TMEM132B: variants seen among roughly 807,000 people sequenced by gnomAD.
The protein encoded by TMEM132B is transmembrane protein 132B.
TMEM132B carries 18 observed loss-of-function variants against 90.8 expected under a neutral mutation model. The ratio of observed to expected loss-of-function variants is 0.20; its 90% CI spans 0.14 to 0.29. The LOEUF (loss-of-function observed/expected upper bound fraction) is 0.29. Ranked by LOEUF, TMEM132B falls within the 10% of genes least tolerant of loss-of-function variation. The pLI, the probability that TMEM132B is intolerant of heterozygous loss-of-function variation, is 1.00. For synonymous variants in TMEM132B, 504 were observed against 523.3 expected (o/e 0.96, Z 0.50); for missense variants, 1,096 against 1,326.8 (o/e 0.83, Z 2.70).
chr12:125,202,807 GA>G (rs895312708), intron 1 of TMEM132B, among the ~76,000 whole-genome samples: 1 of 152,228 alleles, frequency 6.6e-6, no homozygotes, highest in African/African-American at 2.4e-5. Flanking sequence ...GCAGGATGGA[GA>G]AAAACCTGGA....
At chr12:125,190,443 A>G (rs28508097) in intron 1 of TMEM132B, among the ~76,000 whole-genome samples, 9 of 103,678 alleles carry the variant, frequency 8.7e-5, no homozygotes, top group East Asian at 3.5e-4. Context: ...TGGTGATGGG[A>G]AGGGGTGGTG....
At chr12:125,517,527 T>C (rs982551245) in intron 3 of TMEM132B, among the ~76,000 whole-genome samples, 7 of 151,988 alleles carry the variant, frequency 4.6e-5, no homozygotes, top group African/African-American at 1.7e-4. Flanking sequence ...CTTGTACCAA[T>C]GGATATTTGA....
chr12:125,194,275 G>T (rs953537000), intron 1 of TMEM132B, among the ~76,000 whole-genome samples: 10 of 152,134 alleles, frequency 6.6e-5, no homozygotes, highest in Non-Finnish European at 1.0e-4. Context: ...CGTTGGTGGG[G>T]GGGTCTTACT....
chr12:125,245,394 G>T lies in TMEM132B; in HGVS notation c.67+58528G>T, dbSNP rs562587417. 2.8e-4 allele frequency among the ~76,000 whole-genome samples: 41 copies of T among 144,432 alleles called. No homozygotes were observed. The Middle Eastern group carries it at 0.01, about 37-fold the overall frequency. 94.8% of individuals were successfully genotyped at this position (144,432 alleles called of 152,430 possible). Reference sequence around the variant, plus strand: ...GCCCCTCCCGCCCACCCCTCTGCAGGTTGATCCTGGTCACAGGTGGCCGAG... The same window carrying T: ...GCCCCTCCCGCCCACCCCTCTGCAGTTTGATCCTGGTCACAGGTGGCCGAG... On this transcript the variant is annotated intron_variant, in intron 1 of 8. Transcript: ENST00000682704.
At position 125,655,160 on chromosome 12, in the gene TMEM132B, T is replaced by A. The variant is rs1887029288; in HGVS notation, c.*450T>A. On this transcript the variant is annotated 3_prime_UTR_variant, in exon 9 of 9. Transcript: ENST00000682704. Reference sequence around the variant, plus strand: ...GATGACTGAATGTAGCTATCCTGATTTGTCATGAGCGCTGCTCATTATTTT... The same window carrying A: ...GATGACTGAATGTAGCTATCCTGATATGTCATGAGCGCTGCTCATTATTTT... 6.2e-6 allele frequency: 1 copy of A among 160,606 alleles called. No individual in the cohort carries two copies. Among genetic ancestry groups the A allele is most frequent in the South Asian group, 1.8e-4 (1 of 5,524 alleles). The allele number at this position is 160,606 out of a possible 1,614,324, so 9.9% of individuals were successfully genotyped here. A position where few individuals can be genotyped will look rare whatever the true frequency, so the allele number is the denominator to read the frequency against.
intron 1 of TMEM132B, chr12:125,326,473 A>C: frequency 2.4e-6 from 2 of 847,266 alleles, no homozygotes; most frequent in Non-Finnish European, 3.8e-6. Context: ...AATGGAGCAC[A>C]TGAGCTCTGA....
At chr12:125,477,808 G>A (rs1029312352) in intron 3 of TMEM132B, among the ~76,000 whole-genome samples, 2 of 152,156 alleles carry the variant, frequency 1.3e-5, no homozygotes, top group Non-Finnish European at 2.9e-5. Flanking sequence ...CCTGACCCCC[G>A]TGTAACCTAA....
chr12:125,492,398 A>G lies in TMEM132B; in HGVS notation c.1107-27041A>G, dbSNP rs1358959513. Among the ~76,000 whole-genome samples the G allele has an allele frequency of 2.6e-5, 4 of 152,106 alleles. No individual in the cohort carries two copies. On this transcript the variant is annotated intron_variant, in intron 3 of 8. Transcript: ENST00000682704. This position sits in a 1 kb window ranked among gnomAD's most constrained non-coding sequence, Gnocchi z 5.8. Reference sequence around the variant, plus strand: ...TCTGTTGTCTGCAGCTTGGGTGTGAATTTCCCTCTTGAAACCTGAGGGTAA... The same window carrying G: ...TCTGTTGTCTGCAGCTTGGGTGTGAGTTTCCCTCTTGAAACCTGAGGGTAA...
chr12:125,526,381 T>C (rs569647552), intron 4 of TMEM132B, among the ~76,000 whole-genome samples: 1 of 152,346 alleles, frequency 6.6e-6, no homozygotes, highest in South Asian at 2.1e-4. Context: ...AGGAGACTTA[T>C]TCCTACAGGC....
intron 2 of TMEM132B, among the ~76,000 whole-genome samples, chr12:125,409,224 C>T (rs1593128208): frequency 6.6e-6 from 1 of 152,300 alleles, no homozygotes; most frequent in East Asian, 1.9e-4. Context: ...GCTGAGCCAG[C>T]CACAAGGGAA....
chr12:125,636,942 T>A (rs1202175398), intron 5 of TMEM132B, among the ~76,000 whole-genome samples: 2 of 152,164 alleles, frequency 1.3e-5, no homozygotes, highest in Non-Finnish European at 1.5e-5. Context: ...TCTGTAGAAA[T>A]GTATCTAAAA....
At chr12:125,400,853 C>T (rs1409194536) in intron 2 of TMEM132B, among the ~76,000 whole-genome samples, 5 of 152,194 alleles carry the variant, frequency 3.3e-5, no homozygotes, top group African/African-American at 9.7e-5. Context: ...CATGACTCCG[C>T]TCGACAGAAT....
At chr12:125,375,065 T>A (rs188242227) in intron 2 of TMEM132B, among the ~76,000 whole-genome samples, 27 of 152,286 alleles carry the variant, frequency 1.8e-4, no homozygotes, top group African/African-American at 5.8e-4. Flanking sequence ...TGTATGTAAA[T>A]TTTGCTATTA....
intron 1 of TMEM132B, among the ~76,000 whole-genome samples, chr12:125,225,905 A>C (rs538263824): frequency 6.6e-6 from 1 of 152,172 alleles, no homozygotes; most frequent in African/African-American, 2.4e-5. Context: ...CCCAGGACAA[A>C]CAGTATGGTC....
chr12:125,236,311 A>T (rs1279171169), intron 1 of TMEM132B, among the ~76,000 whole-genome samples: 1 of 148,772 alleles, frequency 6.7e-6, no homozygotes, highest in African/African-American at 2.5e-5. Context: ...ACGCCCAGCT[A>T]TTTTTTTTTG....
Position 125,349,870 on chromosome 12 carries a change from C to T in TMEM132B, c.486C>T (p.Pro162=), listed in dbSNP as rs1877500180. Residue 162 remains proline, a synonymous_variant, in exon 2 of 9, where the codon CCC becomes CCT. Transcript: ENST00000682704. The surrounding 1 kb of genome is among the most constrained non-coding windows in gnomAD (Gnocchi z 4.1). ...ACAGTGACCTTACGGAAGATCTACC[C>T]TGTGTCAAGATGTTTGCTTTCCCTG... is the stretch of plus-strand genomic sequence containing the variant. The part of the protein sequence containing the change: ...WDDSDLTEDL[P]CVKMFAFPEA... 8 of 1,614,108 alleles carry T rather than the reference C, an allele frequency of 5.0e-6. No individual in the cohort carries two copies. The highest frequency in any genetic ancestry group is 5.9e-6 in the Non-Finnish European group (7 of 1,180,046).
In TMEM132B at chr12:125,406,310, C is replaced by T. The variant is rs776586723; in HGVS notation, c.960-9221C>T. Among the ~76,000 whole-genome samples the T allele has an allele frequency of 1.4e-4, 22 of 152,290 alleles. No homozygotes were observed. The highest frequency in any genetic ancestry group is 3.9e-4 in the East Asian group (2 of 5,178). ...CTCATGTGGAAAATGGAAGCAGAAG[C>T]GATACTACCCCTGCGGGGTTGCACG... On this transcript the variant is annotated intron_variant, in intron 2 of 8. Transcript: ENST00000682704. This position sits in a 1 kb window ranked among gnomAD's most constrained non-coding sequence, Gnocchi z 8.3.
In TMEM132B at chr12:125,246,823, G is replaced by A. The variant is rs1023546785; in HGVS notation, c.67+59957G>A. Among the ~76,000 whole-genome samples the A allele has an allele frequency of 6.6e-6, 1 of 152,082 alleles. No homozygotes were observed. The highest frequency in any genetic ancestry group is 6.5e-5 in the Admixed American group (1 of 15,276). On this transcript the variant is annotated intron_variant, in intron 1 of 8. Transcript: ENST00000682704. This position sits in a 1 kb window ranked among gnomAD's most constrained non-coding sequence, Gnocchi z 4.2. ...GGCATCTGTCATTTTGAATCCATCTGCTTGTTAGGCACTTCCAGTGTCTCT... is the reference window on the plus strand; with the variant it reads ...GGCATCTGTCATTTTGAATCCATCTACTTGTTAGGCACTTCCAGTGTCTCT...
chr12:125,406,729 T>C lies in TMEM132B; in HGVS notation c.960-8802T>C, dbSNP rs1050450669. ...CCCACCCACTGGAAAGCTGGGAAGG[T>C]CTCAAGACCACCCTCACTTCTGATG... On this transcript the variant is annotated intron_variant, in intron 2 of 8. Coordinates refer to ENST00000682704, the MANE Select transcript of TMEM132B (RefSeq NM_001366854.1). The surrounding 1 kb of genome is among the most constrained non-coding windows in gnomAD (Gnocchi z 8.3). Among the ~76,000 whole-genome samples the C allele has an allele frequency of 2.0e-5, 3 of 152,044 alleles. No homozygotes were observed. The highest frequency in any genetic ancestry group is 7.3e-5 in the African/African-American group (3 of 41,376).
Sources: gnomAD v4.1 joint callset for allele counts (sites outside exome capture counted in the v4.1 genomes callset) on GRCh38, gnomAD v4.1.1 for gene constraint, Gnocchi (gnomAD v3.1) non-coding constraint, MANE v1.5 for transcripts, NCBI Gene and HGNC (gene_info 2026-07-23, HGNC 2026-07-21) for gene names.